The following ZDHHC14 variants were observed in gnomAD, a reference collection of about 807,000 sequenced individuals.
ZDHHC14 encodes the protein zDHHC palmitoyltransferase 14, also known as palmitoyltransferase ZDHHC14.
Under a neutral mutation model 47.7 loss-of-function variants are expected in ZDHHC14, and 16 were observed. The ratio of observed to expected loss-of-function variants is 0.34; its 90% CI spans 0.23 to 0.51. The LOEUF (loss-of-function observed/expected upper bound fraction) is 0.51. Among genes scored for constraint, ZDHHC14 ranks in the 20% least tolerant of loss-of-function variants. The pLI, the probability that ZDHHC14 is intolerant of heterozygous loss-of-function variation, is 0.97. For missense variants in ZDHHC14, 515 were observed against 662.5 expected (o/e 0.78, Z 2.44); for synonymous variants, 293 against 278.9 (o/e 1.05, Z -0.50).
chr6:157,390,917 T>C lies in ZDHHC14; in HGVS notation c.245+8651T>C, dbSNP rs1016138155. On this transcript the variant is annotated intron_variant, in intron 1 of 8. Coordinates refer to ENST00000359775, the MANE Select transcript of ZDHHC14 (RefSeq NM_024630.3). ...GGGTTATATTTTCTTTCTTCCTTCATGCCTTGTAATTTTTTTTATTGCATG... is the reference window on the plus strand; with the variant it reads ...GGGTTATATTTTCTTTCTTCCTTCACGCCTTGTAATTTTTTTTATTGCATG... Among the ~76,000 whole-genome samples, 13 of 152,342 alleles carry C rather than the reference T, an allele frequency of 8.5e-5. No homozygotes were observed. The South Asian group carries it at 2.5e-3, about 29-fold the overall frequency.
At chr6:157,458,204 G>A (rs1778975289) in intron 1 of ZDHHC14, among the ~76,000 whole-genome samples, 2 of 152,360 alleles carry the variant, frequency 1.3e-5, no homozygotes, top group South Asian at 4.1e-4. Flanking sequence ...GTAATTTTAT[G>A]TGATTGCTAA....
At chr6:157,441,190 T>A (rs1778554394) in intron 1 of ZDHHC14, among the ~76,000 whole-genome samples, 3 of 152,088 alleles carry the variant, frequency 2.0e-5, no homozygotes, top group African/African-American at 7.2e-5. Flanking sequence ...AGATAGAAAA[T>A]AAGAGATAGT....
At chr6:157,610,580 A>G (rs1784715190) in intron 3 of ZDHHC14, among the ~76,000 whole-genome samples, 1 of 152,140 alleles carries the variant, frequency 6.6e-6, no homozygotes, top group Admixed American at 6.5e-5. Flanking sequence ...CAGCCCCTGG[A>G]GGTCAGGATG....
Position 157,582,741 on chromosome 6 carries a change from G to A in ZDHHC14, c.407-10247G>A, listed in dbSNP as rs1289003649. On this transcript the variant is annotated intron_variant, in intron 2 of 8. Coordinates refer to ENST00000359775, the MANE Select transcript of ZDHHC14 (RefSeq NM_024630.3). This position sits in a 1 kb window ranked among gnomAD's most constrained non-coding sequence, Gnocchi z 4.3. ...TCTTCTTGTGTATTATTTTGCAGGA[G>A]TTCTCTTCATTTCCCGAACTTGAAT... 2.0e-5 allele frequency among the ~76,000 whole-genome samples: 3 copies of A among 152,098 alleles called. No individual in the cohort carries two copies. Among genetic ancestry groups the A allele is most frequent in the Admixed American group, 2.0e-4 (3 of 15,270 alleles).
At chr6:157,663,349 C>G (rs1464756658) in intron 8 of ZDHHC14, among the ~76,000 whole-genome samples, 1 of 152,200 alleles carries the variant, frequency 6.6e-6, no homozygotes, top group Non-Finnish European at 1.5e-5. Context: ...ACGCAGAGCT[C>G]CTAGTGGACA....
At chr6:157,417,577 C>T (rs1778008603) in intron 1 of ZDHHC14, among the ~76,000 whole-genome samples, 1 of 152,196 alleles carries the variant, frequency 6.6e-6, no homozygotes, top group Non-Finnish European at 1.5e-5. Flanking sequence ...TAGAGTTTGG[C>T]ACATAGTGTG....
chr6:157,550,343 A>G (rs532414082), intron 2 of ZDHHC14, among the ~76,000 whole-genome samples: 2 of 152,212 alleles, frequency 1.3e-5, no homozygotes, highest in East Asian at 1.9e-4. Flanking sequence ...AGCGTCACAC[A>G]GGCATTCTAG....
intron 1 of ZDHHC14, among the ~76,000 whole-genome samples, chr6:157,407,087 G>A (rs1051049840): frequency 6.6e-5 from 10 of 152,186 alleles, no homozygotes; most frequent in African/African-American, 9.7e-5. Context: ...AATTTTATAC[G>A]TCTCACTAGT....
chr6:157,617,782 G>A (rs778877205), intron 3 of ZDHHC14, among the ~76,000 whole-genome samples: 1 of 152,126 alleles, frequency 6.6e-6, no homozygotes, highest in South Asian at 2.1e-4. Context: ...TGGAAAAGGC[G>A]GTGGGCAGAC....
intron 2 of ZDHHC14, among the ~76,000 whole-genome samples, chr6:157,583,644 G>A (rs151057781): frequency 2.0e-5 from 3 of 152,240 alleles, no homozygotes; most frequent in Non-Finnish European, 4.4e-5. Context: ...GCAGCTCCTT[G>A]GCGTTTCCAC....
At chr6:157,574,474 G>A (rs778461465) in intron 2 of ZDHHC14, among the ~76,000 whole-genome samples, 1 of 152,038 alleles carries the variant, frequency 6.6e-6, no homozygotes, top group Non-Finnish European at 1.5e-5. Flanking sequence ...CTCCAGCCTA[G>A]GCCCTTCCTC....
intron 1 of ZDHHC14, among the ~76,000 whole-genome samples, chr6:157,537,139 A>G (rs559234607): frequency 1.2e-3 from 180 of 152,294 alleles, no homozygotes; most frequent in Non-Finnish European, 2.1e-3. Flanking sequence ...TTTAATGACC[A>G]ATATCAAATA....
At chr6:157,425,795 C>G (rs1778206375) in intron 1 of ZDHHC14, among the ~76,000 whole-genome samples, 1 of 152,154 alleles carries the variant, frequency 6.6e-6, no homozygotes, top group African/African-American at 2.4e-5. Flanking sequence ...ATTTTGCTGC[C>G]TGGGCTCCAG....
At chr6:157,540,309 G>C (rs1330019405) in intron 1 of ZDHHC14, among the ~76,000 whole-genome samples, 1 of 152,220 alleles carries the variant, frequency 6.6e-6, no homozygotes, top group African/African-American at 2.4e-5. Flanking sequence ...CCTGCAGAGA[G>C]TGCACTTGGG....
At chr6:157,388,695 ATCT>A (rs1280498865) in intron 1 of ZDHHC14, among the ~76,000 whole-genome samples, 1 of 152,226 alleles carries the variant, frequency 6.6e-6, no homozygotes, top group Non-Finnish European at 1.5e-5. Context: ...AAACTGGATG[ATCT>A]TCTACCTCCC....
chr6:157,562,009 A>G (rs1782726701), intron 2 of ZDHHC14, among the ~76,000 whole-genome samples: 1 of 152,156 alleles, frequency 6.6e-6, no homozygotes, highest in African/African-American at 2.4e-5. Flanking sequence ...GGGTTCAGTG[A>G]GAAACCTGGG....
At chr6:157,436,262 G>A (rs28639971) in intron 1 of ZDHHC14, among the ~76,000 whole-genome samples, 46,742 of 151,830 alleles carry the variant, frequency 0.31, 7,420 homozygotes, top group African/African-American at 0.39. Context: ...GATAATGAAG[G>A]TGCAAATGGA....
intron 5 of ZDHHC14, among the ~76,000 whole-genome samples, chr6:157,636,351 G>GTT (rs72457573): frequency 1.3e-5 from 2 of 151,792 alleles, no homozygotes; most frequent in Non-Finnish European, 2.9e-5. Flanking sequence ...GTGTGTGTGT[G>GTT]TGTGTGTGTG....
rs1167671464 is a variant in ZDHHC14 at position 157,677,035 on chromosome 6, T to C, written c.*3913T>C. The C allele has an allele frequency of 6.6e-6, 1 of 152,238 alleles. No homozygotes were observed. Among genetic ancestry groups the C allele is most frequent in the Non-Finnish European group, 1.5e-5 (1 of 68,044 alleles). 9.4% of individuals were successfully genotyped at this position (152,238 alleles called of 1,614,324 possible). On this transcript the variant is annotated 3_prime_UTR_variant, in exon 9 of 9. Coordinates refer to ENST00000359775, the MANE Select transcript of ZDHHC14 (RefSeq NM_024630.3). ...CAAATATTAAATACTCTTTTCTAAT[T>C]GATGCCTTACTACTGTTTTGAAGCT...
Sources: allele counts gnomAD v4.1 joint callset (sites outside exome capture counted in the v4.1 genomes callset), GRCh38; gene constraint gnomAD v4.1.1; non-coding constraint Gnocchi (gnomAD v3.1); transcripts MANE v1.5; gene names NCBI Gene and HGNC (gene_info 2026-07-23, HGNC 2026-07-21).